The following CERT1 variants were observed in gnomAD, a reference collection of about 807,000 sequenced individuals.
CERT1 encodes the protein ceramide transfer protein.
In CERT1, 31 loss-of-function variants were observed where a neutral mutation model predicts 87.9. The ratio of observed to expected loss-of-function variants is 0.35; its 90% CI spans 0.27 to 0.48. The LOEUF (loss-of-function observed/expected upper bound fraction) is 0.48. Ranked by LOEUF, CERT1 falls within the 20% of genes least tolerant of loss-of-function variation. The pLI is 0.99. For synonymous variants in CERT1, 289 were observed against 250.9 expected (o/e 1.15, Z -1.44); for missense variants, 487 against 758.0 (o/e 0.64, Z 4.20).
intron 16 of CERT1, among the ~76,000 whole-genome samples, chr5:75,380,086 TACTC>T (rs1211690744): frequency 2.0e-5 from 3 of 152,200 alleles, no homozygotes; most frequent in Admixed American, 6.5e-5. Context: ...AATAGTAACT[TACTC>T]AGGTACAACT....
intron 6 of CERT1, 112 bp downstream of exon 6, chr5:75,419,229 C>T: frequency 6.5e-6 from 4 of 617,032 alleles, no homozygotes; most frequent in East Asian, 3.0e-5. Flanking sequence ...ACTTGGATTC[C>T]ACCAGTTCTA....
chr5:75,373,645 T>G (rs1162525732), downstream of CERT1: 1 of 153,376 alleles, frequency 6.5e-6, no homozygotes, highest in Non-Finnish European at 1.5e-5. Flanking sequence ...ATTATAGAAA[T>G]CAGCAGCAAT....
chr5:75,419,026 C>T (rs1269482807), intron 6 of CERT1, among the ~76,000 whole-genome samples: 1 of 152,150 alleles, frequency 6.6e-6, no homozygotes, highest in Non-Finnish European at 1.5e-5. Context: ...ATCAACTCAA[C>T]AGAACTGAGA....
intron 3 of CERT1, among the ~76,000 whole-genome samples, chr5:75,441,346 T>C (rs1395184202): frequency 6.6e-6 from 1 of 152,188 alleles, no homozygotes. Flanking sequence ...CTATGATGTT[T>C]GCACAACAAA....
At chr5:75,473,779 T>C (rs1765822948) in intron 2 of CERT1, among the ~76,000 whole-genome samples, 1 of 152,224 alleles carries the variant, frequency 6.6e-6, no homozygotes, top group Non-Finnish European at 1.5e-5. Context: ...ATTTGTTAGC[T>C]AGACTTAACC....
chr5:75,380,974 G>A, intron 16 of CERT1, 98 bp downstream of exon 16: 1 of 1,260,018 alleles, frequency 7.9e-7, no homozygotes, highest in Non-Finnish European at 1.1e-6. Flanking sequence ...GTAATCTAAT[G>A]GATAAGAACT....
In CERT1 at chr5:75,501,311, C is replaced by G. The variant is rs1215881962; in HGVS notation, c.231+4671G>C. The stretch of plus-strand genomic sequence containing the variant: ...TAATCCAACAGTAACATTTTCATTA[C>G]CTTTCAGTTTTCCTTCCAAAAATAT... On this transcript the variant is annotated intron_variant, in intron 2 of 16. Transcript: ENST00000643780. Among the ~76,000 whole-genome samples, 3 of 152,274 alleles carry G rather than the reference C, an allele frequency of 2.0e-5. No homozygotes were observed. The East Asian group carries it at 5.8e-4, about 29-fold the overall frequency.
chr5:75,441,637 T>C (rs1461588869), intron 3 of CERT1, among the ~76,000 whole-genome samples: 1 of 152,226 alleles, frequency 6.6e-6, no homozygotes, highest in Non-Finnish European at 1.5e-5. Flanking sequence ...TGAATTTGAC[T>C]ACTCTATGCA....
intron 8 of CERT1, among the ~76,000 whole-genome samples, chr5:75,403,913 A>G (rs34302043): frequency 1.4e-4 from 22 of 152,252 alleles, no homozygotes; most frequent in Admixed American, 5.2e-4. Context: ...CATACAAAGA[A>G]CAATAACAAA....
At chr5:75,470,589 C>CA (rs1561285987) in intron 2 of CERT1, among the ~76,000 whole-genome samples, 1 of 152,104 alleles carries the variant, frequency 6.6e-6, no homozygotes, top group Non-Finnish European at 1.5e-5. Context: ...AAACACTCAA[C>CA]AAATTAGTTA....
chr5:75,394,251 T>C (rs75795743), intron 11 of CERT1, among the ~76,000 whole-genome samples: 13,451 of 152,230 alleles, frequency 0.088, 647 homozygotes, highest in South Asian at 0.12. Flanking sequence ...CTGTGGCCTG[T>C]AATCCTAGCA....
rs1051573997 is a variant in CERT1, at chr5:75,386,879, T to G, written c.1285-845A>C. Among the ~76,000 whole-genome samples the G allele has an allele frequency of 2.0e-5, 3 of 152,242 alleles. No homozygotes were observed. The South Asian group carries it at 6.2e-4, about 32-fold the overall frequency. ...GTAAGCTCTTTACTATTCTTTTTTG[T>G]TTTTTGAGACAGAGTTTCGCTATTG... On this transcript the variant is annotated intron_variant, in intron 12 of 16. Coordinates refer to ENST00000643780, the MANE Select transcript of CERT1 (RefSeq NM_001379029.1).
intron 9 of CERT1, 63 bp downstream of exon 9, chr5:75,402,909 C>T (rs1021667116): frequency 3.2e-6 from 3 of 947,784 alleles, no homozygotes; most frequent in Non-Finnish European, 5.1e-6. Context: ...AAATAATATA[C>T]ACCAAGGAAT....
chr5:75,454,773 A>C (rs544491148), intron 3 of CERT1, among the ~76,000 whole-genome samples: 153 of 152,336 alleles, frequency 1.0e-3, no homozygotes, highest in African/African-American at 3.4e-3. Flanking sequence ...AGCAAATTGG[A>C]AAGGTGAAAA....
intron 1 of CERT1, among the ~76,000 whole-genome samples, chr5:75,508,259 T>C (rs903997575): frequency 6.6e-6 from 1 of 151,420 alleles, no homozygotes; most frequent in Non-Finnish European, 1.5e-5. Context: ...CTTTTTTTCT[T>C]TGTCAAATTC....
intron 2 of CERT1, among the ~76,000 whole-genome samples, chr5:75,480,751 C>G (rs1390944113): frequency 6.6e-6 from 1 of 152,156 alleles, no homozygotes; most frequent in Non-Finnish European, 1.5e-5. Flanking sequence ...TTGCTTCGAC[C>G]TGAATAATCT....
intron 2 of CERT1, among the ~76,000 whole-genome samples, chr5:75,461,285 G>A (rs1390006569): frequency 2.6e-5 from 4 of 152,192 alleles, no homozygotes; most frequent in Non-Finnish European, 5.9e-5. Context: ...ATCCTCATAG[G>A]AGCACAAACC....
chr5:75,511,530 A>C lies in CERT1; in HGVS notation c.-323T>G. On this transcript the variant is annotated 5_prime_UTR_variant, in exon 1 of 17. Coordinates refer to ENST00000643780, the MANE Select transcript of CERT1 (RefSeq NM_001379029.1). ...CCTCGATGCCAATTTCAAATAGGGA[A>C]GGAAAAGGGAAAAGAAGGGAAGAGA... The C allele has an allele frequency of 6.8e-7, 1 of 1,464,294 alleles. No individual in the cohort carries two copies. The highest frequency in any genetic ancestry group is 9.0e-7 in the Non-Finnish European group (1 of 1,109,716). 90.7% of individuals were successfully genotyped at this position (1,464,294 alleles called of 1,614,324 possible). A position where few individuals can be genotyped will look rare whatever the true frequency, so the allele number is the denominator to read the frequency against.
chr5:75,418,988 T>C (rs1410087644), intron 6 of CERT1, among the ~76,000 whole-genome samples: 2 of 152,370 alleles, frequency 1.3e-5, no homozygotes, highest in South Asian at 2.1e-4. Flanking sequence ...TTAAAGCTTA[T>C]ATTTTCTTAA....
Sources: allele counts gnomAD v4.1 joint callset (sites outside exome capture counted in the v4.1 genomes callset), GRCh38; gene constraint gnomAD v4.1.1; transcripts MANE v1.5; gene names NCBI Gene and HGNC (gene_info 2026-07-23, HGNC 2026-07-21).